Variants in XIAP observed in about 807,000 individuals in gnomAD.
XIAP encodes the protein X-linked inhibitor of apoptosis, also known as E3 ubiquitin-protein ligase XIAP.
A neutral mutation model predicts 33.1 loss-of-function variants in XIAP; 3 were observed. The observed-to-expected ratio is 0.09, with a 90% CI of 0.04 to 0.23. The LOEUF (loss-of-function observed/expected upper bound fraction) is 0.23, where lower values mean the gene tolerates loss of function less well. XIAP is among the 10% of genes least tolerant of loss of function. XIAP has a pLI of 1.00. For synonymous variants in XIAP, 98 were observed against 121.3 expected (o/e 0.81, Z 1.26); for missense variants, 264 against 363.0 (o/e 0.73, Z 2.22).
chrX:123,901,652 G>T (rs905616700), intron 6 of XIAP, among the ~76,000 whole-genome samples: 3 of 111,469 alleles, frequency 2.7e-5, no homozygotes, highest in African/African-American at 9.8e-5. Flanking sequence ...TCAGATAATC[G>T]TATAAGTTAT....
intron 1 of XIAP, among the ~76,000 whole-genome samples, chrX:123,882,982 A>C (rs1174620356): frequency 1.8e-5 from 2 of 108,695 alleles, no homozygotes; most frequent in Non-Finnish European, 3.8e-5. Context: ...TTTAGTAGAG[A>C]CGGGGTTTCT....
chrX:123,899,466 C>A (rs2053497763), intron 5 of XIAP, among the ~76,000 whole-genome samples: 1 of 106,245 alleles, frequency 9.4e-6, no homozygotes, highest in Admixed American at 1.1e-4. Flanking sequence ...GTGACTATCC[C>A]CCAGATTAAG....
intron 1 of XIAP, among the ~76,000 whole-genome samples, chrX:123,882,780 G>A (rs1429055609): frequency 8.9e-6 from 1 of 112,029 alleles, no homozygotes; most frequent in East Asian, 2.8e-4. Context: ...TTATGCAACA[G>A]ATTTTTTTTG....
At chrX:123,904,016 A>T (rs1316624867) in intron 6 of XIAP, among the ~76,000 whole-genome samples, 2 of 110,599 alleles carry the variant, frequency 1.8e-5, no homozygotes, top group Non-Finnish European at 3.8e-5. Context: ...TCTCTTCCCA[A>T]CCCCTGGCAA....
chrX:123,907,828 T>A lies in XIAP; in HGVS notation c.*647T>A. Reference sequence around the variant, plus strand: ...GGAAAGATGTCAAAGATATGTTAAGTGTAAAATGCAAGTGGCAAAACACTA... The same window carrying A: ...GGAAAGATGTCAAAGATATGTTAAGAGTAAAATGCAAGTGGCAAAACACTA... On this transcript the variant is annotated 3_prime_UTR_variant, in exon 7 of 7. Transcript: ENST00000371199. 2.6e-6 allele frequency: 1 copy of A among 380,596 alleles called. No homozygotes were observed. The highest frequency in any genetic ancestry group is 2.6e-5 in the South Asian group (1 of 38,170). The allele number at this position is 380,596 out of a possible 1,213,427, so 31.4% of individuals were successfully genotyped here. A position where few individuals can be genotyped will look rare whatever the true frequency, so the allele number is the denominator to read the frequency against.
At position 123,913,112 on chromosome X, in the gene XIAP, C is replaced by T. The variant is rs1432971931; in HGVS notation, c.*5931C>T. 3.0e-6 allele frequency: 1 copy of T among 328,547 alleles called. No individual in the cohort carries two copies. The highest frequency in any genetic ancestry group is 3.1e-5 in the Admixed American group (1 of 32,144). 27.1% of individuals were successfully genotyped at this position (328,547 alleles called of 1,213,427 possible). A position where few individuals can be genotyped will look rare whatever the true frequency, so the allele number is the denominator to read the frequency against. ...GATTTTATCTAAGGGACTTAAGCGT[C>T]CTCAGGTCCTAGGGGGTCGTGAAAC... On this transcript the variant is annotated 3_prime_UTR_variant, in exon 7 of 7. Coordinates refer to ENST00000371199, the MANE Select transcript of XIAP (RefSeq NM_001167.4).
intron 5 of XIAP, among the ~76,000 whole-genome samples, chrX:123,893,109 C>T (rs773451161): frequency 7.3e-5 from 8 of 109,905 alleles, no homozygotes; most frequent in African/African-American, 2.3e-4. Context: ...CATGAGCCAC[C>T]GCACCCGGCC....
chrX:123,906,880 G>A (rs2053559115), intron 6 of XIAP, 108 bp from the exon 7 acceptor site: 17 of 930,312 alleles, frequency 1.8e-5, no homozygotes, highest in Middle Eastern at 3.2e-4. Context: ...CATATCTCCC[G>A]GCACTTGTTG....
rs1225788208 is a variant in XIAP, at chrX:123,910,230, G to A, written c.*3049G>A. ...TTATATTGCCTTTCCTGCTACATTT[G>A]GTTTTTTCCCCTGTCCCTTTGATTA... On this transcript the variant is annotated 3_prime_UTR_variant, in exon 7 of 7. Transcript: ENST00000371199. 4 of 327,607 alleles carry A rather than the reference G, an allele frequency of 1.2e-5. No homozygotes were observed. The highest frequency in any genetic ancestry group is 2.4e-5 in the Non-Finnish European group (4 of 169,648). The allele number at this position is 327,607 out of a possible 1,213,427, so 27.0% of individuals were successfully genotyped here.
chrX:123,909,570 AG>A lies in XIAP; in HGVS notation c.*2391del. 3.0e-6 allele frequency: 1 copy of A among 329,339 alleles called. No individual in the cohort carries two copies. The highest frequency in any genetic ancestry group is 5.9e-6 in the Non-Finnish European group (1 of 170,027). The allele number at this position is 329,339 out of a possible 1,213,427, so 27.1% of individuals were successfully genotyped here. A position where few individuals can be genotyped will look rare whatever the true frequency, so the allele number is the denominator to read the frequency against. On this transcript the variant is annotated 3_prime_UTR_variant, in exon 7 of 7. Coordinates refer to ENST00000371199, the MANE Select transcript of XIAP (RefSeq NM_001167.4). ...TTCCAGGACACTTCACTTCCAAGTC[AG>A]GTAGGTAGTTCAATCTAGTTGTTAG...
chrX:123,875,078 G>A (rs1207838230), intron 1 of XIAP, among the ~76,000 whole-genome samples: 2 of 100,139 alleles, frequency 2.0e-5, no homozygotes, highest in Admixed American at 1.1e-4. Context: ...GCTGGAGTAC[G>A]ATGGCACAAT....
intron 1 of XIAP, among the ~76,000 whole-genome samples, chrX:123,866,344 A>G (rs1009194539): frequency 2.9e-5 from 3 of 105,062 alleles, no homozygotes; most frequent in African/African-American, 6.9e-5. Context: ...AAGTGCCAGG[A>G]TTACAGGCAT....
At chrX:123,891,147 G>T (rs2053403858) in intron 3 of XIAP, 91 bp from the exon 4 acceptor site, 1 of 443,259 alleles carries the variant, frequency 2.3e-6, no homozygotes, top group South Asian at 3.8e-5. Flanking sequence ...CAAGTTAATG[G>T]AATTAATAGA....
At chrX:123,864,635 AGTGTGTGTGTGTGTGT>A (rs748255094) in intron 1 of XIAP, among the ~76,000 whole-genome samples, 45 of 84,665 alleles carry the variant, frequency 5.3e-4, no homozygotes, top group African/African-American at 1.1e-3. Flanking sequence ...CCCGGCTTAG[AGTGTGTGTGTGTGTGT>A]GTGTGTGTGT....
At chrX:123,896,077 C>CT (rs2053457732) in intron 5 of XIAP, among the ~76,000 whole-genome samples, 1 of 85,880 alleles carries the variant, frequency 1.2e-5, no homozygotes, top group East Asian at 4.3e-4. Context: ...TTTATTTTTT[C>CT]TTTTTTTTGA....
chrX:123,891,392 T>C, intron 4 of XIAP, 76 bp downstream of exon 4: 2 of 494,184 alleles, frequency 4.0e-6, no homozygotes, highest in Non-Finnish European at 6.5e-6. Context: ...TAGTTTATAT[T>C]ATATCATTTG....
intron 1 of XIAP, among the ~76,000 whole-genome samples, chrX:123,877,240 A>G (rs781647815): frequency 2.7e-5 from 3 of 110,529 alleles, no homozygotes; most frequent in South Asian, 3.8e-4. Flanking sequence ...TACTTTTTGT[A>G]TTTTTAGTAG....
chrX:123,904,856 C>A (rs1350831557), intron 6 of XIAP, among the ~76,000 whole-genome samples: 1 of 111,377 alleles, frequency 9.0e-6, no homozygotes, highest in Admixed American at 9.6e-5. Context: ...GTCTTGAACT[C>A]CTGACCTCAA....
At position 123,894,725 on chromosome X, in the gene XIAP, G is replaced by A. The variant is rs1027232620; in HGVS notation, c.1099+1952G>A. On this transcript the variant is annotated intron_variant, in intron 5 of 6. Transcript: ENST00000371199. ...AGAGGTTGCAGTGAGCCAAGACCAC[G>A]CCATTGCACTACACCCTGGGCAAAA... is the stretch of plus-strand genomic sequence containing the variant. 9.2e-5 allele frequency among the ~76,000 whole-genome samples: 10 copies of A among 108,989 alleles called. No homozygotes were observed. The South Asian group carries it at 1.6e-3, about 17-fold the overall frequency. 94.6% of individuals were successfully genotyped at this position (108,989 alleles called of 115,157 possible).
Sources: allele counts gnomAD v4.1 joint callset (sites outside exome capture counted in the v4.1 genomes callset), GRCh38; gene constraint gnomAD v4.1.1; transcripts MANE v1.5; gene names NCBI Gene and HGNC (gene_info 2026-07-23, HGNC 2026-07-21).